Variants in ARHGAP10 observed in about 807,000 individuals in gnomAD.
ARHGAP10 encodes Rho GTPase activating protein 10, also known as rho GTPase-activating protein 10.
ARHGAP10 carries 87 observed loss-of-function variants against 108.6 expected under a neutral mutation model. The observed-to-expected ratio is 0.80, with a 90% CI of 0.67 to 0.96. The LOEUF (loss-of-function observed/expected upper bound fraction) is 0.96. Among genes scored for constraint, ARHGAP10 ranks in the 40% least tolerant of loss-of-function variants. The pLI is 0.00. For synonymous variants in ARHGAP10, 347 were observed against 341.1 expected (o/e 1.02, Z -0.19); for missense variants, 939 against 954.5 (o/e 0.98, Z 0.21).
At chr4:147,823,453 C>T (rs1732586910) in intron 3 of ARHGAP10, among the ~76,000 whole-genome samples, 1 of 152,004 alleles carries the variant, frequency 6.6e-6, no homozygotes, top group African/African-American at 2.4e-5. Context: ...ATGATCATAA[C>T]AAGAATAAGA....
intron 19 of ARHGAP10, among the ~76,000 whole-genome samples, chr4:148,033,689 G>A (rs187170997): frequency 6.6e-6 from 1 of 152,270 alleles, no homozygotes; most frequent in East Asian, 1.9e-4. Flanking sequence ...TTTCATACTA[G>A]TGTGTTGGGT....
chr4:148,051,813 A>G (rs1729150726), intron 20 of ARHGAP10, among the ~76,000 whole-genome samples: 1 of 152,294 alleles, frequency 6.6e-6, no homozygotes, highest in East Asian at 1.9e-4. Context: ...ACACCTTCCT[A>G]TTCCCATATA....
chr4:147,837,643 G>GTTTTTTTTTTTTTTTTTTTT (rs59933316), intron 3 of ARHGAP10, among the ~76,000 whole-genome samples: 1,117 of 70,088 alleles, frequency 0.016, 62 homozygotes, highest in Non-Finnish European at 0.022. Context: ...TCTGGTCACT[G>GTTTTTTTTTTTTTTTTTTTT]TTTTTTTTTT....
intron 5 of ARHGAP10, chr4:147,862,388 G>C (rs1276635808): frequency 2.0e-5 from 3 of 152,442 alleles, no homozygotes; most frequent in Non-Finnish European, 1.5e-5. Context: ...GGATGCCCTG[G>C]TCCAGAGCTG....
intron 1 of ARHGAP10, among the ~76,000 whole-genome samples, chr4:147,741,418 T>TA (rs1224968191): frequency 2.0e-5 from 3 of 152,216 alleles, no homozygotes; most frequent in African/African-American, 7.2e-5. Context: ...AAAAAATCTT[T>TA]AAAAGCCATT....
At chr4:147,973,417 GT>G (rs1160611391) in intron 18 of ARHGAP10, among the ~76,000 whole-genome samples, 1 of 152,134 alleles carries the variant, frequency 6.6e-6, no homozygotes, top group African/African-American at 2.4e-5. Flanking sequence ...TACATAGTTG[GT>G]GTATGTATTT....
rs1269338885 is a variant in ARHGAP10 at position 147,783,580 on chromosome 4, AT to A, written c.155-39144del. 3.4e-5 allele frequency among the ~76,000 whole-genome samples: 5 copies of A among 147,610 alleles called. No homozygotes were observed. In the South Asian group the frequency reaches 1.1e-3, roughly 33 times the overall value. On this transcript the variant is annotated intron_variant, in intron 1 of 22. Coordinates refer to ENST00000336498, the MANE Select transcript of ARHGAP10 (RefSeq NM_024605.4). The stretch of plus-strand genomic sequence containing the variant: ...CACACATTAAATTGTGTATTGTATA[AT>A]TTATAGAACACATTAAATTGTGTAT...
intron 10 of ARHGAP10, among the ~76,000 whole-genome samples, chr4:147,883,761 C>T (rs909742473): frequency 6.6e-6 from 1 of 151,732 alleles, no homozygotes; most frequent in Non-Finnish European, 1.5e-5. Flanking sequence ...GTGGTGTAAT[C>T]TCGGCTCACT....
chr4:147,966,665 C>G lies in ARHGAP10; in HGVS notation c.1557-15C>G, dbSNP rs765232989. 1.4e-5 allele frequency: 21 copies of G among 1,550,382 alleles called. No homozygotes were observed. The highest frequency in any genetic ancestry group is 1.5e-5 in the Non-Finnish European group (17 of 1,140,660). On this transcript the variant is annotated splice_polypyrimidine_tract_variant and intron_variant, in intron 17 of 22. Transcript: ENST00000336498. ...CCTTTGGTTAAACAGATTCCTCCCC[C>G]CTTACCAATTTCAGTGTTTCAAATC... is the stretch of plus-strand genomic sequence containing the variant.
intron 1 of ARHGAP10, among the ~76,000 whole-genome samples, chr4:147,794,754 G>A (rs968870184): frequency 6.6e-6 from 1 of 152,202 alleles, no homozygotes; most frequent in Non-Finnish European, 1.5e-5. Context: ...AGACTGAGAT[G>A]TTAAAGTAGC....
intron 19 of ARHGAP10, among the ~76,000 whole-genome samples, chr4:148,024,173 C>T (rs1274099820): frequency 6.6e-6 from 1 of 152,184 alleles, no homozygotes. Flanking sequence ...TAAGATGATT[C>T]TGGTATCCAA....
In ARHGAP10 at chr4:148,063,255, T is replaced by C. The variant is rs768532222; in HGVS notation, c.2135T>C (p.Phe712Ser). ...CCTCTTTCACCCGGGTCGTCCCCTT[T>C]CCCCTTTTCTCCTCCTGCTACTGTA... Reference protein sequence around the residue: ...VTPLSPGSSPFPFSPPATVAD... With the variant: ...VTPLSPGSSPSPFSPPATVAD... The change falls in exon 21 of 23, where the codon TTC (phenylalanine) becomes TCC (serine). Residue 712 changes from phenylalanine to serine, a missense_variant. By Grantham distance (155) the Phe-to-Ser change is radical (BLOSUM62 -2). Transcript: ENST00000336498. 1.2e-6 allele frequency: 2 copies of C among 1,614,158 alleles called. No individual in the cohort carries two copies. The highest frequency in any genetic ancestry group is 1.7e-6 in the Non-Finnish European group (2 of 1,180,036).
rs1201448571 is a variant in ARHGAP10 at position 147,748,690 on chromosome 4, G to T, written c.154+16235G>T. On this transcript the variant is annotated intron_variant, in intron 1 of 22. Coordinates refer to ENST00000336498, the MANE Select transcript of ARHGAP10 (RefSeq NM_024605.4). ...TAAACACACAAAAAGCAGTAGATAG[G>T]CTGGGCACTGTGGCTCAGGCCTGTA... Among the ~76,000 whole-genome samples the T allele has an allele frequency of 8.5e-5, 13 of 152,168 alleles. 1 individual carries two copies. Among genetic ancestry groups the T allele is most frequent in the Admixed American group, 8.5e-4 (13 of 15,278 alleles).
intron 12 of ARHGAP10, among the ~76,000 whole-genome samples, chr4:147,910,223 A>G (rs1181632569): frequency 4.0e-5 from 6 of 151,610 alleles, no homozygotes; most frequent in Admixed American, 2.6e-4. Flanking sequence ...GGATCTTGCT[A>G]TGTTGTCCAG....
intron 18 of ARHGAP10, among the ~76,000 whole-genome samples, chr4:148,004,519 G>A (rs1467856207): frequency 1.3e-5 from 2 of 152,122 alleles, no homozygotes; most frequent in African/African-American, 4.8e-5. Flanking sequence ...ATATAAGATT[G>A]TCTTAGACCA....
intron 4 of ARHGAP10, among the ~76,000 whole-genome samples, chr4:147,848,186 A>T (rs1733712975): frequency 6.6e-6 from 1 of 151,874 alleles, no homozygotes. Flanking sequence ...AGATGAACCC[A>T]AGGAGTTCCA....
chr4:147,822,813 C>T lies in ARHGAP10; in HGVS notation c.241C>T (p.Arg81Ter), dbSNP rs747548737. ...CGGTGATGCTGTGACAGATGATGAA[C>T]GATGCATAGGTAATTAAACATGATA... ...FIGDAVTDDE[R>*]CIDASLREFS... Residue 81 changes from arginine (R) to a stop codon, truncating the protein, a stop_gained, in exon 2 of 23, where the codon CGA (arginine) becomes TGA (stop). Coordinates refer to ENST00000336498, the MANE Select transcript of ARHGAP10 (RefSeq NM_024605.4). LOFTEE classifies it high-confidence loss of function. The T allele has an allele frequency of 6.8e-6, 11 of 1,614,152 alleles. No homozygotes were observed. Among genetic ancestry groups the T allele is most frequent in the Admixed American group, 3.3e-5 (2 of 60,030 alleles).
chr4:148,071,981 C>T lies in ARHGAP10; in HGVS notation c.2273-12C>T. 6.2e-7 allele frequency: 1 copy of T among 1,609,796 alleles called. No homozygotes were observed. The highest frequency in any genetic ancestry group is 1.7e-5 in the Admixed American group (1 of 59,134). On this transcript the variant is annotated splice_polypyrimidine_tract_variant and intron_variant, in intron 22 of 22. Coordinates refer to ENST00000336498, the MANE Select transcript of ARHGAP10 (RefSeq NM_024605.4). Reference sequence around the variant, plus strand: ...GGCATTTTGTAAAAGTGATTTTTCTCTTCCTTTTCAGTACAAACCTCCAGG... The same window carrying T: ...GGCATTTTGTAAAAGTGATTTTTCTTTTCCTTTTCAGTACAAACCTCCAGG...
chr4:148,026,252 A>G (rs1741761745), intron 19 of ARHGAP10, among the ~76,000 whole-genome samples: 1 of 152,224 alleles, frequency 6.6e-6, no homozygotes, highest in African/African-American at 2.4e-5. Flanking sequence ...AATTGGTTTC[A>G]GTTCAGCATC....
Sources: gnomAD v4.1 joint callset for allele counts (sites outside exome capture counted in the v4.1 genomes callset) on GRCh38, gnomAD v4.1.1 for gene constraint, MANE v1.5 for transcripts, NCBI Gene and HGNC (gene_info 2026-07-23, HGNC 2026-07-21) for gene names.